Variants in OR4K17 observed in about 807,000 individuals in gnomAD.
The protein encoded by OR4K17 is olfactory receptor 4K17.
For synonymous variants in OR4K17, 157 were observed against 132.8 expected, an observed-to-expected ratio of 1.18 and a Z score of -1.25; for missense variants, 480 against 366.3, an observed-to-expected ratio of 1.31 and a Z score of -2.53.
rs1221051721 is a variant in OR4K17, at chr14:20,119,324, A to G, written c.*886A>G. On this transcript the variant is annotated 3_prime_UTR_variant, in exon 2 of 2. Coordinates refer to ENST00000641386, the MANE Select transcript of OR4K17 (RefSeq NM_001004715.5). ...AATCATCACAGGGTCCTGAGGCAAC[A>G]TACATCCTCAGCTTAAGAAGATGAT... 6.6e-6 allele frequency: 1 copy of G among 152,204 alleles called. No homozygotes were observed. The highest frequency in any genetic ancestry group is 2.4e-5 in the African/African-American group (1 of 41,450). The allele number at this position is 152,204 out of a possible 1,614,324, so 9.4% of individuals were successfully genotyped here. A position where few individuals can be genotyped will look rare whatever the true frequency, so the allele number is the denominator to read the frequency against.
rs78711883 is a variant in OR4K17, at chr14:20,117,413, C to G, written c.-32-55C>G. 27 of 1,579,860 alleles carry G rather than the reference C, an allele frequency of 1.7e-5. No homozygotes were observed. The East Asian group carries it at 4.7e-4, about 27-fold the overall frequency. On this transcript the variant is annotated intron_variant, in intron 1 of 1. Coordinates refer to ENST00000641386, the MANE Select transcript of OR4K17 (RefSeq NM_001004715.5). ...CATAAGTTTGGTTTTTCATATGGCT[C>G]TTTATTTTTCACTCATACTCCATGG...
chr14:20,116,431 T>A (rs952689702), intron 1 of OR4K17, among the ~76,000 whole-genome samples: 2 of 152,146 alleles, frequency 1.3e-5, no homozygotes, highest in African/African-American at 4.8e-5. Flanking sequence ...GTAGTTACAG[T>A]CATATCCTCA....
In OR4K17 at chr14:20,121,295, A is replaced by G. The variant is rs568197658; in HGVS notation, c.*2857A>G. On this transcript the variant is annotated 3_prime_UTR_variant, in exon 2 of 2. Coordinates refer to ENST00000641386, the MANE Select transcript of OR4K17 (RefSeq NM_001004715.5). ...ACTCCCAGACAAAGACTTCACAATA[A>G]TTGTCTTAAGGAAGTGCAGTAAAGT... 1 of 152,358 alleles carries G rather than the reference A, an allele frequency of 6.6e-6. No individual in the cohort carries two copies. The highest frequency in any genetic ancestry group is 2.1e-4 in the South Asian group (1 of 4,830). 9.4% of individuals were successfully genotyped at this position (152,358 alleles called of 1,614,324 possible).
chr14:20,111,579 T>C (rs1877884346), intron 1 of OR4K17, among the ~76,000 whole-genome samples: 1 of 152,006 alleles, frequency 6.6e-6, no homozygotes, highest in Non-Finnish European at 1.5e-5. Context: ...CATGTAAGCA[T>C]TTTTATCCCC....
In OR4K17 at chr14:20,120,666, C is replaced by A. The variant is rs570686862; in HGVS notation, c.*2228C>A. 6.6e-6 allele frequency: 1 copy of A among 152,290 alleles called. No individual in the cohort carries two copies. The highest frequency in any genetic ancestry group is 2.1e-4 in the South Asian group (1 of 4,824). 9.4% of individuals were successfully genotyped at this position (152,290 alleles called of 1,614,324 possible). ...CCATTATAGTTTGGGCAGTGGAATT[C>A]CTGGGCCCAGATACTGCTGCCATTA... On this transcript the variant is annotated 3_prime_UTR_variant, in exon 2 of 2. Coordinates refer to ENST00000641386, the MANE Select transcript of OR4K17 (RefSeq NM_001004715.5).
Position 20,118,236 on chromosome 14 carries a change from T to C in OR4K17, c.737T>C (p.Val246Ala), listed in dbSNP as rs757060477. 6.2e-7 allele frequency: 1 copy of C among 1,613,986 alleles called. No individual in the cohort carries two copies. Among genetic ancestry groups the C allele is most frequent in the South Asian group, 1.1e-5 (1 of 91,074 alleles). ...ARSTLTAHIT[V>A]VILFFGPCIF... Reference sequence around the variant, plus strand: ...TCCACTTTGACTGCTCACATCACAGTGGTGATTCTCTTCTTTGGCCCATGC... The same window carrying C: ...TCCACTTTGACTGCTCACATCACAGCGGTGATTCTCTTCTTTGGCCCATGC... The change falls in exon 2 of 2, where the codon GTG becomes GCG. Residue 246 changes from valine to alanine, a missense_variant. Val to Ala is a moderately conservative substitution (Grantham distance 64, BLOSUM62 0). Coordinates refer to ENST00000641386, the MANE Select transcript of OR4K17 (RefSeq NM_001004715.5).
In OR4K17 at chr14:20,117,785, G is replaced by T; in HGVS notation, c.286G>T (p.Gly96Trp). ...LKKQKVISFA[G>W]CFTQIFLLHL... ...AAAGCAGAAGGTAATTTCTTTTGCT[G>T]GGTGCTTCACTCAGATATTTCTCCT... Residue 96 changes from glycine (G) to tryptophan (W), a missense_variant, in exon 2 of 2, where the codon GGG (glycine) becomes TGG (tryptophan). Gly to Trp is a radical substitution (Grantham distance 184). Coordinates refer to ENST00000641386, the MANE Select transcript of OR4K17 (RefSeq NM_001004715.5). 1 of 1,614,066 alleles carries T rather than the reference G, an allele frequency of 6.2e-7. No individual in the cohort carries two copies. Among genetic ancestry groups the T allele is most frequent in the Non-Finnish European group, 8.5e-7 (1 of 1,180,014 alleles).
At chr14:20,117,011 T>A (rs560780561) in intron 1 of OR4K17, among the ~76,000 whole-genome samples, 1 of 152,274 alleles carries the variant, frequency 6.6e-6, no homozygotes, top group South Asian at 2.1e-4. Flanking sequence ...ACTCTGGGGA[T>A]GATTCAGAAC....
At chr14:20,114,774 G>A (rs2139054092) in intron 1 of OR4K17, among the ~76,000 whole-genome samples, 1 of 152,160 alleles carries the variant, frequency 6.6e-6, no homozygotes, top group South Asian at 2.1e-4. Context: ...CACCTGATCA[G>A]TTAGTGAGAA....
intron 1 of OR4K17, among the ~76,000 whole-genome samples, chr14:20,111,244 C>G (rs1877876942): frequency 6.6e-6 from 1 of 151,802 alleles, no homozygotes; most frequent in Non-Finnish European, 1.5e-5. Context: ...AGTTCACAAA[C>G]TTGGGAGGAA....
In OR4K17 at chr14:20,118,463, G is replaced by A. The variant is rs148328170; in HGVS notation, c.*25G>A. 638 of 1,409,572 alleles carry A rather than the reference G, an allele frequency of 4.5e-4. 7 individuals are homozygous for A. Among genetic ancestry groups the A allele is most frequent in the African/African-American group, 2.3e-3 (164 of 69,898 alleles). The allele number at this position is 1,409,572 out of a possible 1,614,324, so 87.3% of individuals were successfully genotyped here. On this transcript the variant is annotated 3_prime_UTR_variant, in exon 2 of 2. Transcript: ENST00000641386. The stretch of plus-strand genomic sequence containing the variant: ...GATTAAAAATATAATGGTAGAGGCC[G>A]GGCATGGTGGCTGATGCCTGTAATC...
Position 20,118,568 on chromosome 14 carries a change from G to T in OR4K17, c.*130G>T. The T allele has an allele frequency of 1.7e-6, 1 of 599,840 alleles. No individual in the cohort carries two copies. The highest frequency in any genetic ancestry group is 1.9e-5 in the African/African-American group (1 of 53,656). 37.2% of individuals were successfully genotyped at this position (599,840 alleles called of 1,614,324 possible). A position where few individuals can be genotyped will look rare whatever the true frequency, so the allele number is the denominator to read the frequency against. On this transcript the variant is annotated 3_prime_UTR_variant, in exon 2 of 2. Transcript: ENST00000641386. ...TTCTTTTCTATTTTCCCTAAGTGTT[G>T]ACTGGTCTGAGAAATAAAGGGAAAG...
Position 20,118,333 on chromosome 14 carries a change from C to T in OR4K17, c.834C>T (p.Ile278=), listed in dbSNP as rs867942310. ...TCCTTGCTGTGTTTTATACCATCAT[C>T]ACTCCTATCTTGAATCCAATTATCT... ...DKFLAVFYTI[I]TPILNPIIYT... is the part of the protein sequence containing the mutation. Residue 278 remains isoleucine (I), a synonymous_variant, in exon 2 of 2, where the codon ATC becomes ATT. Transcript: ENST00000641386. 1 of 1,612,078 alleles carries T rather than the reference C, an allele frequency of 6.2e-7. No individual in the cohort carries two copies.
At position 20,118,068 on chromosome 14, in the gene OR4K17, T is replaced by C. The variant is rs1315458480; in HGVS notation, c.569T>C (p.Ile190Thr). 1.2e-6 allele frequency: 2 copies of C among 1,614,160 alleles called. No homozygotes were observed. The highest frequency in any genetic ancestry group is 2.2e-5 in the East Asian group (1 of 44,872). The change falls in exon 2 of 2, where the codon ATA (isoleucine) becomes ACA (threonine). Residue 190 changes from isoleucine (I) to threonine (T), a missense_variant. Ile to Thr is a moderately conservative substitution (Grantham distance 89). Coordinates refer to ENST00000641386, the MANE Select transcript of OR4K17 (RefSeq NM_001004715.5). ...DLPLVTKLAC[I>T]DIYFVQVVIV... Reference sequence around the variant, plus strand: ...CCTTTGGTTACTAAGCTTGCCTGTATAGACATATATTTTGTACAGGTAGTC... The same window carrying C: ...CCTTTGGTTACTAAGCTTGCCTGTACAGACATATATTTTGTACAGGTAGTC...
In OR4K17 at chr14:20,118,593, G is replaced by A. The variant is rs1002906390; in HGVS notation, c.*155G>A. On this transcript the variant is annotated 3_prime_UTR_variant, in exon 2 of 2. Transcript: ENST00000641386. ...GACTGGTCTGAGAAATAAAGGGAAA[G>A]AATACAAAAGAGAGAAATTTTAAAG... 13 of 535,294 alleles carry A rather than the reference G, an allele frequency of 2.4e-5. No individual in the cohort carries two copies. The highest frequency in any genetic ancestry group is 2.3e-4 in the African/African-American group (12 of 51,932). The allele number at this position is 535,294 out of a possible 1,614,324, so 33.2% of individuals were successfully genotyped here. A position where few individuals can be genotyped will look rare whatever the true frequency, so the allele number is the denominator to read the frequency against.
chr14:20,116,315 T>TCACACACACA (rs1877990321), intron 1 of OR4K17, among the ~76,000 whole-genome samples: 1 of 152,126 alleles, frequency 6.6e-6, no homozygotes, highest in Non-Finnish European at 1.5e-5. Flanking sequence ...CAGAATTTTC[T>TCACACACACA]GCATAATCTG....
chr14:20,111,882 G>C (rs1877890302), intron 1 of OR4K17: 1 of 152,042 alleles, frequency 6.6e-6, no homozygotes, highest in Non-Finnish European at 1.5e-5. Flanking sequence ...ATGTGCCTTA[G>C]CTACTTTTTT....
intron 1 of OR4K17, among the ~76,000 whole-genome samples, chr14:20,113,072 G>C (rs954399989): frequency 1.3e-5 from 2 of 151,924 alleles, no homozygotes; most frequent in South Asian, 4.1e-4. Context: ...CTATGTTTTA[G>C]AGTAGAACAT....
In OR4K17 at chr14:20,119,819, C is replaced by A. The variant is rs1878117751; in HGVS notation, c.*1381C>A. On this transcript the variant is annotated 3_prime_UTR_variant, in exon 2 of 2. Coordinates refer to ENST00000641386, the MANE Select transcript of OR4K17 (RefSeq NM_001004715.5). ...TGTCACTGCCCTCCAGCCTGGGTGA[C>A]AGAGTGAGAGTCCATCTTAAAATAA... 6.6e-6 allele frequency: 1 copy of A among 152,096 alleles called. No homozygotes were observed. The highest frequency in any genetic ancestry group is 1.5e-5 in the Non-Finnish European group (1 of 68,020). 9.4% of individuals were successfully genotyped at this position (152,096 alleles called of 1,614,324 possible). A position where few individuals can be genotyped will look rare whatever the true frequency, so the allele number is the denominator to read the frequency against.
Sources: gnomAD v4.1 joint callset for allele counts (sites outside exome capture counted in the v4.1 genomes callset) on GRCh38, gnomAD v4.1.1 for gene constraint, MANE v1.5 for transcripts, NCBI Gene and HGNC (gene_info 2026-07-23, HGNC 2026-07-21) for gene names.